DCDC1: variants seen among roughly 807,000 people sequenced by gnomAD.
DCDC1 encodes the protein doublecortin domain-containing protein 1.
DCDC1 carries 200 observed loss-of-function variants against 178.3 expected under a neutral mutation model. The observed-to-expected ratio is 1.12, with a 90% CI of 1.00 to 1.26. DCDC1 has a LOEUF of 1.26. Among genes scored for constraint, DCDC1 ranks in the 50% most tolerant of loss-of-function variants. The pLI, the probability that DCDC1 is intolerant of heterozygous loss-of-function variation, is 0.00. For missense variants in DCDC1, 1,983 were observed against 1,749.2 expected, an observed-to-expected ratio of 1.13 and a Z score of -2.38; for synonymous variants, 690 against 604.8, an observed-to-expected ratio of 1.14 and a Z score of -2.07.
intron 3 of DCDC1, among the ~76,000 whole-genome samples, chr11:31,310,228 T>G (rs1487233319): frequency 6.6e-6 from 1 of 151,722 alleles, no homozygotes; most frequent in Non-Finnish European, 1.5e-5. Context: ...GTTAAAGAGT[T>G]AATATTATTG....
chr11:31,260,649 G>A (rs1363641669), intron 8 of DCDC1, among the ~76,000 whole-genome samples: 1 of 152,078 alleles, frequency 6.6e-6, no homozygotes, highest in Admixed American at 6.6e-5. Flanking sequence ...AAAGAACGAG[G>A]GTATGATTAT....
intron 23 of DCDC1, among the ~76,000 whole-genome samples, chr11:30,923,869 G>A (rs1301896579): frequency 2.0e-5 from 3 of 151,906 alleles, no homozygotes; most frequent in African/African-American, 4.8e-5. Flanking sequence ...CACCCACCTC[G>A]GCCTCCCAAA....
At chr11:31,026,635 C>A (rs566637346) in intron 20 of DCDC1, among the ~76,000 whole-genome samples, 2 of 151,870 alleles carry the variant, frequency 1.3e-5, no homozygotes, top group East Asian at 3.9e-4. Flanking sequence ...TGCCATCTGG[C>A]TGTCTCGTCA....
intron 20 of DCDC1, among the ~76,000 whole-genome samples, chr11:31,031,326 T>C (rs1010616746): frequency 6.6e-5 from 10 of 152,162 alleles, no homozygotes; most frequent in African/African-American, 2.4e-4. Context: ...ATCCATATCA[T>C]TGTGCTTTTC....
At chr11:31,329,071 T>G (rs1949814290) in intron 2 of DCDC1, among the ~76,000 whole-genome samples, 1 of 149,288 alleles carries the variant, frequency 6.7e-6, no homozygotes, top group Non-Finnish European at 1.5e-5. Context: ...TGGAAGTGAA[T>G]GTCTACTAGG....
rs767819390 is a variant in DCDC1 at position 31,149,489 on chromosome 11, CCCCAGCCAGCAGCAGCAA to C, written c.1222-11723_1222-11706del. On this transcript the variant is annotated intron_variant, in intron 9 of 38. Transcript: ENST00000684477. ...CAAATAAGAGAATAAAAGCTGGCCA[CCCCAGCCAGCAGCAGCAA>C]CCCGCCCAGCAGCAGCAACCTGCTC... Among the ~76,000 whole-genome samples, 152 of 152,148 alleles carry C rather than the reference CCCCAGCCAGCAGCAGCAA, an allele frequency of 1.0e-3. 1 individual carries two copies. The highest frequency in any genetic ancestry group is 9.8e-3 in the Admixed American group (150 of 15,296).
At chr11:30,973,623 G>A (rs958844249) in intron 20 of DCDC1, among the ~76,000 whole-genome samples, 11 of 152,070 alleles carry the variant, frequency 7.2e-5, no homozygotes, top group Admixed American at 1.3e-4. Flanking sequence ...TAAAACAGAC[G>A]TTGGTTTAAA....
chr11:31,018,956 C>T (rs1234906126), intron 20 of DCDC1, among the ~76,000 whole-genome samples: 2 of 151,904 alleles, frequency 1.3e-5, no homozygotes, highest in African/African-American at 4.8e-5. Flanking sequence ...CTCAATTGTT[C>T]AGTATGGGAA....
At chr11:31,150,207 T>C (rs887167245) in intron 9 of DCDC1, among the ~76,000 whole-genome samples, 2 of 152,206 alleles carry the variant, frequency 1.3e-5, no homozygotes, top group Non-Finnish European at 2.9e-5. Context: ...AGGAAATAAC[T>C]ATGGATATGC....
intron 20 of DCDC1, among the ~76,000 whole-genome samples, chr11:31,056,329 A>G (rs996482666): frequency 1.3e-5 from 2 of 152,134 alleles, no homozygotes; most frequent in African/African-American, 4.8e-5. Context: ...AAATAATAAC[A>G]TGTTAGATTT....
intron 2 of DCDC1, among the ~76,000 whole-genome samples, chr11:31,328,494 A>G (rs1187419763): frequency 6.6e-6 from 1 of 152,042 alleles, no homozygotes; most frequent in African/African-American, 2.4e-5. Context: ...TTGGTATAAT[A>G]CTGTTTAAGA....
intron 3 of DCDC1, among the ~76,000 whole-genome samples, chr11:31,325,056 T>C (rs1193422749): frequency 6.6e-6 from 1 of 152,184 alleles, no homozygotes; most frequent in Non-Finnish European, 1.5e-5. Context: ...ATAAAAATCA[T>C]TAAATCACAT....
chr11:31,105,488 T>A (rs1050977984), intron 13 of DCDC1, among the ~76,000 whole-genome samples: 1 of 151,834 alleles, frequency 6.6e-6, no homozygotes, highest in Non-Finnish European at 1.5e-5. Flanking sequence ...AGCCTATCCT[T>A]GTAATAGGAA....
chr11:30,960,370 G>A (rs1949027333), intron 20 of DCDC1, among the ~76,000 whole-genome samples: 1 of 152,036 alleles, frequency 6.6e-6, no homozygotes, highest in South Asian at 2.1e-4. Flanking sequence ...ATAGAGCAAA[G>A]GCTATTAGAC....
intron 11 of DCDC1, among the ~76,000 whole-genome samples, chr11:31,111,168 T>TTA (rs1046338716): frequency 6.6e-6 from 1 of 152,168 alleles, no homozygotes; most frequent in Admixed American, 6.6e-5. Flanking sequence ...TCCCTGCTTT[T>TTA]TATTTTTTTT....
intron 17 of DCDC1, among the ~76,000 whole-genome samples, chr11:31,084,264 C>T (rs945564075): frequency 1.3e-5 from 2 of 152,006 alleles, no homozygotes; most frequent in Non-Finnish European, 2.9e-5. Context: ...AAGGCTATGT[C>T]TTGATTCACA....
chr11:31,270,939 C>T (rs1945505447), intron 7 of DCDC1, among the ~76,000 whole-genome samples: 1 of 152,210 alleles, frequency 6.6e-6, no homozygotes, highest in African/African-American at 2.4e-5. Flanking sequence ...AGTCACACAA[C>T]TGAACATATC....
At chr11:31,049,817 ATACAGGGG>A (rs756218922) in intron 20 of DCDC1, among the ~76,000 whole-genome samples, 2 of 152,174 alleles carry the variant, frequency 1.3e-5, no homozygotes, top group Non-Finnish European at 2.9e-5. Flanking sequence ...GCCGAGTGAA[ATACAGGGG>A]TACAGGAAGC....
At chr11:31,054,683 A>G (rs1277925508) in intron 20 of DCDC1, among the ~76,000 whole-genome samples, 1 of 152,190 alleles carries the variant, frequency 6.6e-6, no homozygotes, top group Non-Finnish European at 1.5e-5. Flanking sequence ...ATAAACCCAA[A>G]TACTTACAGC....
Sources: allele counts gnomAD v4.1 joint callset (sites outside exome capture counted in the v4.1 genomes callset), GRCh38; gene constraint gnomAD v4.1.1; transcripts MANE v1.5; gene names NCBI Gene and HGNC (gene_info 2026-07-23, HGNC 2026-07-21).